The following CHD7 variants were observed in gnomAD, a reference collection of about 807,000 sequenced individuals.
CHD7 encodes the protein chromodomain helicase DNA binding protein 7.
In CHD7, 24 loss-of-function variants were observed where a neutral mutation model predicts 307.3. The observed-to-expected ratio is 0.08, with a 90% CI of 0.06 to 0.11. CHD7 has a LOEUF of 0.11. CHD7 is among the 10% of genes least tolerant of loss of function. The pLI is 1.00. For synonymous variants in CHD7, 1,363 were observed against 1,349.9 expected, an observed-to-expected ratio of 1.01 and a Z score of -0.21; for missense variants, 3,106 against 3,727.1, an observed-to-expected ratio of 0.83 and a Z score of 4.34.
At chr8:60,728,689 T>G (rs941451865) in intron 1 of CHD7, among the ~76,000 whole-genome samples, 2 of 152,150 alleles carry the variant, frequency 1.3e-5, no homozygotes, top group African/African-American at 4.8e-5. Context: ...ATTGAAATGG[T>G]TTATGATGAA....
intron 2 of CHD7, among the ~76,000 whole-genome samples, chr8:60,751,574 T>C (rs1809643717): frequency 1.3e-5 from 2 of 152,258 alleles, no homozygotes; most frequent in Admixed American, 1.3e-4. Context: ...GAGATGGCCC[T>C]GGTATTTCCT....
At position 60,681,151 on chromosome 8, in the gene CHD7, A is replaced by G. The variant is rs563437551; in HGVS notation, c.-175+2069A>G. On this transcript the variant is annotated intron_variant, in intron 1 of 37. Coordinates refer to ENST00000423902, the MANE Select transcript of CHD7 (RefSeq NM_017780.4). ...ATCTTGTCTGACGATGACAAAAAATATCTTAGTGACTGTGACCTTAGCAGC... is the reference window on the plus strand; with the variant it reads ...ATCTTGTCTGACGATGACAAAAAATGTCTTAGTGACTGTGACCTTAGCAGC... Among the ~76,000 whole-genome samples, 11 of 152,310 alleles carry G rather than the reference A, an allele frequency of 7.2e-5. No individual in the cohort carries two copies. The East Asian group carries it at 1.2e-3, about 16-fold the overall frequency.
intron 1 of CHD7, among the ~76,000 whole-genome samples, chr8:60,723,577 T>C (rs974413696): frequency 6.6e-6 from 1 of 152,208 alleles, no homozygotes; most frequent in Non-Finnish European, 1.5e-5. Flanking sequence ...GCTGGTTAAA[T>C]GCAAAAAACC....
chr8:60,813,822 CTA>C (rs1426872368), intron 7 of CHD7, among the ~76,000 whole-genome samples: 1 of 150,900 alleles, frequency 6.6e-6, no homozygotes, highest in Non-Finnish European at 1.5e-5. Context: ...TTACTTATAA[CTA>C]TAAATATTTA....
chr8:60,755,250 AAGGC>A (rs1218542010), intron 2 of CHD7, among the ~76,000 whole-genome samples: 77 of 152,170 alleles, frequency 5.1e-4, no homozygotes, highest in Middle Eastern at 3.4e-3. Flanking sequence ...AAAAAATAAG[AAGGC>A]AGTTCACATT....
In CHD7 at chr8:60,801,525, T is replaced by A. The variant is rs545931432; in HGVS notation, c.2377-3T>A. ...GGATTGATGCACATGCCTTTTTTTT[T>A]AGGAATCTGTTGATGCAGAAGGCCC... On this transcript the variant is annotated splice_polypyrimidine_tract_variant and splice_region_variant and intron_variant, in intron 5 of 37. Coordinates refer to ENST00000423902, the MANE Select transcript of CHD7 (RefSeq NM_017780.4). 12 of 1,565,532 alleles carry A rather than the reference T, an allele frequency of 7.7e-6. No individual in the cohort carries two copies. Among genetic ancestry groups the A allele is most frequent in the Middle Eastern group, 1.7e-4 (1 of 6,012 alleles).
chr8:60,754,019 A>G (rs1177628520), intron 2 of CHD7, among the ~76,000 whole-genome samples: 1 of 152,194 alleles, frequency 6.6e-6, no homozygotes, highest in Non-Finnish European at 1.5e-5. Context: ...ATTTAATTCC[A>G]AAGTAAGTAA....
intron 1 of CHD7, among the ~76,000 whole-genome samples, chr8:60,694,374 A>T (rs931259709): frequency 6.6e-6 from 1 of 152,228 alleles, no homozygotes; most frequent in African/African-American, 2.4e-5. Context: ...TGTTACTTCT[A>T]GCTAGGTAGA....
intron 13 of CHD7, among the ~76,000 whole-genome samples, chr8:60,826,064 TG>T (rs1804242665): frequency 6.6e-6 from 1 of 152,194 alleles, no homozygotes; most frequent in African/African-American, 2.4e-5. Context: ...GATTAGAATC[TG>T]TTATCCAAAT....
At chr8:60,752,055 G>A (rs1226014506) in intron 2 of CHD7, among the ~76,000 whole-genome samples, 1 of 152,140 alleles carries the variant, frequency 6.6e-6, no homozygotes, top group Non-Finnish European at 1.5e-5. Context: ...ATTCTTTAAA[G>A]TGTATTTGTC....
intron 7 of CHD7, among the ~76,000 whole-genome samples, chr8:60,813,935 GT>G (rs1389790307): frequency 1.2e-4 from 19 of 152,062 alleles, no homozygotes; most frequent in South Asian, 1.2e-3. Context: ...ATATATACCT[GT>G]TTCATAAAGA....
chr8:60,829,782 T>C (rs1804418099), intron 14 of CHD7, among the ~76,000 whole-genome samples: 1 of 152,112 alleles, frequency 6.6e-6, no homozygotes, highest in Non-Finnish European at 1.5e-5. Context: ...CAGTTCAGAG[T>C]AAGGTCTGTT....
intron 3 of CHD7, among the ~76,000 whole-genome samples, chr8:60,781,831 C>T (rs1021884747): frequency 1.3e-5 from 2 of 152,188 alleles, no homozygotes. Flanking sequence ...CATTCCAGCC[C>T]TTCTTCCCAG....
intron 2 of CHD7, among the ~76,000 whole-genome samples, chr8:60,749,961 C>T (rs777615697): frequency 1.5e-4 from 23 of 152,188 alleles, no homozygotes; most frequent in Non-Finnish European, 3.1e-4. Context: ...TCCTCAACAT[C>T]CAACAAGCTG....
chr8:60,693,228 G>T (rs891060828), intron 1 of CHD7, among the ~76,000 whole-genome samples: 7 of 152,192 alleles, frequency 4.6e-5, no homozygotes, highest in African/African-American at 1.7e-4. Context: ...GGCCTGCTAG[G>T]TCATTATGGT....
At chr8:60,794,366 CA>C (rs34664861) in intron 3 of CHD7, among the ~76,000 whole-genome samples, 1 of 151,724 alleles carries the variant, frequency 6.6e-6, no homozygotes, top group Non-Finnish European at 1.5e-5. Context: ...AACTGTCTTT[CA>C]AAAAAAGGGC....
chr8:60,808,328 C>A, intron 7 of CHD7, 56 bp downstream of exon 7: 1 of 1,046,456 alleles, frequency 9.6e-7, no homozygotes, highest in East Asian at 2.6e-5. Context: ...AAGTAGTAAA[C>A]GACCATTTTT....
chr8:60,852,733 A>G (rs1195229918), intron 30 of CHD7, 27 bp downstream of exon 30: 4 of 1,612,474 alleles, frequency 2.5e-6, no homozygotes, highest in Non-Finnish European at 3.4e-6. Context: ...ACAAAGTTCT[A>G]TACAAAAAGA....
At chr8:60,810,301 G>C (rs1452502980) in intron 7 of CHD7, among the ~76,000 whole-genome samples, 2 of 151,830 alleles carry the variant, frequency 1.3e-5, no homozygotes, top group Admixed American at 6.6e-5. Context: ...ACCAAGATTG[G>C]GGCTTTAGGT....
Sources: gnomAD v4.1 joint callset for allele counts (sites outside exome capture counted in the v4.1 genomes callset) on GRCh38, gnomAD v4.1.1 for gene constraint, MANE v1.5 for transcripts, NCBI Gene and HGNC (gene_info 2026-07-23, HGNC 2026-07-21) for gene names.